EHD4: variants seen among roughly 807,000 people sequenced by gnomAD.
The protein encoded by EHD4 is EH domain containing 4.
Under a neutral mutation model 51.0 loss-of-function variants are expected in EHD4, and 37 were observed. That is an observed-to-expected ratio of 0.73 (90% CI 0.56 to 0.95). The LOEUF is 0.95. Ranked by LOEUF, EHD4 falls within the 40% of genes least tolerant of loss-of-function variation. The pLI, the probability that EHD4 is intolerant of heterozygous loss-of-function variation, is 0.00. For missense variants in EHD4, 632 were observed against 733.1 expected, an observed-to-expected ratio of 0.86 and a Z score of 1.59; for synonymous variants, 297 against 317.3, an observed-to-expected ratio of 0.94 and a Z score of 0.68.
intron 4 of EHD4, among the ~76,000 whole-genome samples, chr15:41,914,013 C>A (rs1314612751): frequency 6.6e-6 from 1 of 151,346 alleles, no homozygotes; most frequent in Non-Finnish European, 1.5e-5. Flanking sequence ...CACGTACACT[C>A]TGACACAGAT....
At chr15:41,950,425 C>G (rs540651112) in intron 2 of EHD4, among the ~76,000 whole-genome samples, 6 of 152,374 alleles carry the variant, frequency 3.9e-5, no homozygotes, top group African/African-American at 1.4e-4. Flanking sequence ...CCGCAGAAAA[C>G]AAGCAATTTT....
chr15:41,903,384 A>C (rs2067491302), intron 5 of EHD4, among the ~76,000 whole-genome samples: 1 of 151,554 alleles, frequency 6.6e-6, no homozygotes, highest in African/African-American at 2.4e-5. Flanking sequence ...AAAATAATTT[A>C]TAATCTCATC....
At chr15:41,948,990 G>A (rs954440551) in intron 2 of EHD4, among the ~76,000 whole-genome samples, 7 of 145,550 alleles carry the variant, frequency 4.8e-5, no homozygotes, top group Admixed American at 7.0e-5. Flanking sequence ...GTGCCTCCGC[G>A]CTCCAGCCTG....
intron 1 of EHD4, among the ~76,000 whole-genome samples, chr15:41,968,541 C>A (rs374099585): frequency 3.3e-5 from 5 of 150,128 alleles, no homozygotes; most frequent in African/African-American, 1.2e-4. Flanking sequence ...CCACCTACCT[C>A]AGTCTCCCAA....
At chr15:41,923,171 C>A (rs1260153861) in intron 3 of EHD4, among the ~76,000 whole-genome samples, 1 of 152,152 alleles carries the variant, frequency 6.6e-6, no homozygotes, top group East Asian at 1.9e-4. Context: ...CTCTCTCTAG[C>A]CCCTGGCGAC....
chr15:41,943,171 G>A lies in EHD4; in HGVS notation c.414-7C>T, dbSNP rs1400510914. 5 of 1,574,830 alleles carry A rather than the reference G, an allele frequency of 3.2e-6. No individual in the cohort carries two copies. Among genetic ancestry groups the A allele is most frequent in the Middle Eastern group, 3.3e-4 (2 of 6,004 alleles). On this transcript the variant is annotated splice_region_variant and splice_polypyrimidine_tract_variant and intron_variant, in intron 2 of 5. Coordinates refer to ENST00000220325, the MANE Select transcript of EHD4 (RefSeq NM_139265.4). The stretch of plus-strand genomic sequence containing the variant: ...GAGCTGTGAGCACATGAATCTGGAA[G>A]AGACGGATCAAAGGAGGGGTCAGAA...
chr15:41,915,786 G>A (rs2067579574), intron 4 of EHD4, among the ~76,000 whole-genome samples: 1 of 152,156 alleles, frequency 6.6e-6, no homozygotes, highest in Non-Finnish European at 1.5e-5. Context: ...GCATCTCAGA[G>A]TGTGAGCCGT....
chr15:41,966,295 T>C (rs2067961074), intron 1 of EHD4, among the ~76,000 whole-genome samples: 2 of 152,112 alleles, frequency 1.3e-5, no homozygotes, highest in Admixed American at 1.3e-4. Context: ...AAGGCTAATC[T>C]ACTGGTTCTG....
chr15:41,955,003 C>T (rs2067877606), intron 1 of EHD4, among the ~76,000 whole-genome samples: 1 of 152,216 alleles, frequency 6.6e-6, no homozygotes. Flanking sequence ...CTAGTTTTCA[C>T]TTCATCCAAA....
intron 1 of EHD4, among the ~76,000 whole-genome samples, chr15:41,957,935 G>A (rs1039456227): frequency 2.6e-5 from 4 of 152,260 alleles, no homozygotes; most frequent in African/African-American, 9.6e-5. Context: ...AGCTGGAAGG[G>A]AAGAGTCTGA....
At chr15:41,917,919 C>T (rs1250721440) in intron 4 of EHD4, among the ~76,000 whole-genome samples, 3 of 152,222 alleles carry the variant, frequency 2.0e-5, no homozygotes, top group Non-Finnish European at 4.4e-5. Flanking sequence ...AATGCATGCA[C>T]ACGCACTGGG....
At chr15:41,940,369 C>T (rs899528955) in intron 3 of EHD4, among the ~76,000 whole-genome samples, 8 of 152,208 alleles carry the variant, frequency 5.3e-5, no homozygotes, top group African/African-American at 1.9e-4. Context: ...GCTGGTCTTA[C>T]GAAGCTGGGT....
intron 5 of EHD4, among the ~76,000 whole-genome samples, chr15:41,906,619 C>T (rs987725507): frequency 3.9e-5 from 6 of 152,200 alleles, no homozygotes; most frequent in African/African-American, 4.8e-5. Context: ...CGAGCTGGAC[C>T]GGAGCCATGG....
At chr15:41,959,563 T>C (rs565577797) in intron 1 of EHD4, among the ~76,000 whole-genome samples, 2 of 152,168 alleles carry the variant, frequency 1.3e-5, no homozygotes, top group Non-Finnish European at 2.9e-5. Context: ...TTTCATGTAA[T>C]ATATTTTTCT....
chr15:41,916,432 A>G (rs1036638923), intron 4 of EHD4, among the ~76,000 whole-genome samples: 3 of 152,236 alleles, frequency 2.0e-5, no homozygotes, highest in African/African-American at 7.2e-5. Flanking sequence ...GAGGACAAAA[A>G]TGCCCAACTG....
chr15:41,972,405 C>G lies in EHD4; in HGVS notation c.90G>C (p.Ser30=). The G allele has an allele frequency of 6.2e-7, 1 of 1,609,786 alleles. No individual in the cohort carries two copies. Among genetic ancestry groups the G allele is most frequent in the Non-Finnish European group, 8.5e-7 (1 of 1,178,578 alleles). The change falls in exon 1 of 6, where the codon TCG becomes TCC. Residue 30 remains serine (S), a synonymous_variant. Transcript: ENST00000220325. ...AVQTVTGGLR[S]LYLRKVLPLE... ...GCGGCAGCACCTTGCGCAGGTAGAGCGAGCGCAGCCCGCCCGTCACCGTCT... is the reference window on the plus strand; with the variant it reads ...GCGGCAGCACCTTGCGCAGGTAGAGGGAGCGCAGCCCGCCCGTCACCGTCT...
intron 3 of EHD4, among the ~76,000 whole-genome samples, chr15:41,931,858 G>C (rs914670258): frequency 3.3e-5 from 5 of 152,000 alleles, no homozygotes; most frequent in Non-Finnish European, 7.4e-5. Context: ...TGTATTTTTA[G>C]TAGAGACAGG....
chr15:41,944,327 G>A (rs1595541312), intron 2 of EHD4, among the ~76,000 whole-genome samples: 1 of 152,194 alleles, frequency 6.6e-6, no homozygotes, highest in Admixed American at 6.5e-5. Flanking sequence ...CCTTTGTGAG[G>A]CACTGTGCAT....
At chr15:41,902,618 GGA>G (rs1395383605) in intron 5 of EHD4, among the ~76,000 whole-genome samples, 1 of 151,956 alleles carries the variant, frequency 6.6e-6, no homozygotes, top group Non-Finnish European at 1.5e-5. Flanking sequence ...TCATTAAAAG[GGA>G]GAGAGGGGCC....
Sources: allele counts gnomAD v4.1 joint callset (sites outside exome capture counted in the v4.1 genomes callset), GRCh38; gene constraint gnomAD v4.1.1; transcripts MANE v1.5; gene names NCBI Gene and HGNC (gene_info 2026-07-23, HGNC 2026-07-21).